IL1RAP: variants seen among roughly 807,000 people sequenced by gnomAD.
IL1RAP encodes the protein interleukin 1 receptor accessory protein.
A neutral mutation model predicts 60.7 loss-of-function variants in IL1RAP; 35 were observed. That is an observed-to-expected ratio of 0.58 (90% confidence interval 0.44 to 0.76). IL1RAP has a LOEUF of 0.76. IL1RAP is among the 30% of genes least tolerant of loss of function. IL1RAP has a pLI of 0.00. For synonymous variants in IL1RAP, 268 were observed against 250.9 expected, an observed-to-expected ratio of 1.07 and a Z score of -0.64; for missense variants, 572 against 693.9, an observed-to-expected ratio of 0.82 and a Z score of 1.97.
chr3:190,613,803 A>C (rs1240548030), intron 5 of IL1RAP, among the ~76,000 whole-genome samples: 1 of 151,954 alleles, frequency 6.6e-6, no homozygotes, highest in Non-Finnish European at 1.5e-5. Flanking sequence ...ACTGCACTCC[A>C]GCCTGGGCAA....
chr3:190,596,544 T>C (rs12486715), intron 3 of IL1RAP, among the ~76,000 whole-genome samples: 7,692 of 152,304 alleles, frequency 0.051, 341 homozygotes, highest in East Asian at 0.14. Context: ...TCCAGTGACT[T>C]GGCTTTGCAA....
intron 10 of IL1RAP, among the ~76,000 whole-genome samples, chr3:190,645,298 A>G (rs895126022): frequency 1.3e-5 from 2 of 152,242 alleles, no homozygotes; most frequent in African/African-American, 4.8e-5. Flanking sequence ...TTTCAGATAT[A>G]AATAATTCAG....
At position 190,528,793 on chromosome 3, in the gene IL1RAP, A is replaced by G. The variant is rs553812132; in HGVS notation, c.-89+14574A>G. ...AATTGTGTAACTCAGGAAGGGCTTT[A>G]TAAGGAAGTTGTATTTAAAGTGAGT... On this transcript the variant is annotated intron_variant, in intron 1 of 11. Coordinates refer to ENST00000447382, the MANE Select transcript of IL1RAP (RefSeq NM_002182.4). 2.6e-5 allele frequency among the ~76,000 whole-genome samples: 4 copies of G among 152,332 alleles called. No homozygotes were observed. In the East Asian group the frequency reaches 7.7e-4, roughly 29 times the overall value.
intron 1 of IL1RAP, among the ~76,000 whole-genome samples, chr3:190,539,186 G>A (rs910388479): frequency 6.6e-6 from 1 of 152,034 alleles, no homozygotes; most frequent in African/African-American, 2.4e-5. Context: ...TAAAGCATAG[G>A]GAAATACTTT....
rs573615292 is a variant in IL1RAP at position 190,629,334 on chromosome 3, TTCTC to T, written c.903-12_903-9del. On this transcript the variant is annotated splice_polypyrimidine_tract_variant and intron_variant, in intron 8 of 11. Transcript: ENST00000447382. ...GTCACTCTCAAATGCTTTGATTTTC[TTCTC>T]TCTATTTCTAGTATAAGTCATAGTA... 2.5e-3 allele frequency: 3,891 copies of T among 1,564,742 alleles called. 10 individuals are homozygous for T. Among genetic ancestry groups the T allele is most frequent in the Non-Finnish European group, 3.1e-3 (3,595 of 1,146,450 alleles).
rs528842342 is a variant in IL1RAP at position 190,572,702 on chromosome 3, T to C, written c.64+8349T>C. ...TTTGAACAGTTAATGTTTTCTAGGT[T>C]TTTTTGTTTGTTTATTTTACATTCT... On this transcript the variant is annotated intron_variant, in intron 3 of 11. Coordinates refer to ENST00000447382, the MANE Select transcript of IL1RAP (RefSeq NM_002182.4). 7.0e-4 allele frequency among the ~76,000 whole-genome samples: 106 copies of C among 152,156 alleles called. 1 individual carries two copies. Among genetic ancestry groups the C allele is most frequent in the Middle Eastern group, 3.4e-3 (1 of 290 alleles).
At chr3:190,518,314 A>G (rs1204552789) in intron 1 of IL1RAP, among the ~76,000 whole-genome samples, 1 of 152,176 alleles carries the variant, frequency 6.6e-6, no homozygotes, top group East Asian at 1.9e-4. Flanking sequence ...TTATTTCAAC[A>G]TCTTATTCAT....
Position 190,644,362 on chromosome 3 carries a change from A to T in IL1RAP, c.1166A>T (p.Tyr389Phe). ...TACTGGCTAGAGATGGTCCTATTTT[A>T]CCGGGCTCATTTTGGAACAGATGAA... ...HVYWLEMVLF[Y>F]RAHFGTDETI... The change falls in exon 10 of 12, where the codon TAC (tyrosine) becomes TTC (phenylalanine). Residue 389 changes from tyrosine (Y) to phenylalanine (F), a missense_variant. By Grantham distance (22) the Tyr-to-Phe change is conservative. Transcript: ENST00000447382. 6.2e-7 allele frequency: 1 copy of T among 1,614,020 alleles called. No homozygotes were observed. The highest frequency in any genetic ancestry group is 8.5e-7 in the Non-Finnish European group (1 of 1,179,934).
rs145198695 is a variant in IL1RAP, at chr3:190,601,518, C to T, written c.65-2610C>T. On this transcript the variant is annotated intron_variant, in intron 3 of 11. Transcript: ENST00000447382. ...TTGGAAAAACTAGTTGTTAAATTTC[C>T]CCGAGCTTTATTACTTACCTGACAA... Among the ~76,000 whole-genome samples, 57 of 152,104 alleles carry T rather than the reference C, an allele frequency of 3.7e-4. No individual in the cohort carries two copies. In the East Asian group the frequency reaches 9.5e-3, roughly 25 times the overall value.
Position 190,617,913 on chromosome 3 carries a change from T to C in IL1RAP, c.538-2362T>C, listed in dbSNP as rs58711093. On this transcript the variant is annotated intron_variant, in intron 5 of 11. Transcript: ENST00000447382. ...TAAAATATTCCCTTTATTTCTAAAATGTTTTAGGCCTAATAGCTTTGAAAC... is the reference window on the plus strand; with the variant it reads ...TAAAATATTCCCTTTATTTCTAAAACGTTTTAGGCCTAATAGCTTTGAAAC... Among the ~76,000 whole-genome samples, 1,422 of 152,300 alleles carry C rather than the reference T, an allele frequency of 9.3e-3. 20 individuals are homozygous for C. Among genetic ancestry groups the C allele is most frequent in the African/African-American group, 0.031 (1,272 of 41,564 alleles).
chr3:190,576,383 TACAC>T (rs34872356), intron 3 of IL1RAP, among the ~76,000 whole-genome samples: 10,788 of 151,378 alleles, frequency 0.071, 441 homozygotes, highest in Middle Eastern at 0.089. Flanking sequence ...TATATATATA[TACAC>T]ACACACACAC....
chr3:190,604,339 T>G lies in IL1RAP; in HGVS notation c.276T>G (p.Ile92Met), dbSNP rs1402497798. The change falls in exon 4 of 12, where the codon ATT becomes ATG. Residue 92 changes from isoleucine to methionine, a missense_variant. Transcript: ENST00000447382. ...PINFRLPENR[I>M]SKEKDVLWFR... ...ACTTCCGCCTCCCCGAGAACCGCAT[T>G]AGTAAGGAGAAAGATGTGCTGTGGT... 6.2e-7 allele frequency: 1 copy of G among 1,613,680 alleles called. No individual in the cohort carries two copies. The highest frequency in any genetic ancestry group is 1.3e-5 in the African/African-American group (1 of 74,802).
At chr3:190,573,113 T>TA (rs1727133941) in intron 3 of IL1RAP, among the ~76,000 whole-genome samples, 5 of 52,312 alleles carry the variant, frequency 9.6e-5, no homozygotes, top group Non-Finnish European at 1.9e-4. Flanking sequence ...TCCGCCCGCC[T>TA]CGGCCTCCCA....
intron 1 of IL1RAP, among the ~76,000 whole-genome samples, chr3:190,525,675 T>C (rs1053185953): frequency 1.5e-4 from 23 of 152,226 alleles, no homozygotes; most frequent in Non-Finnish European, 3.1e-4. Flanking sequence ...GTTTCATTCA[T>C]AGGCTCTCGT....
chr3:190,557,976 T>G (rs576775114), intron 2 of IL1RAP, among the ~76,000 whole-genome samples: 24 of 152,282 alleles, frequency 1.6e-4, no homozygotes, highest in African/African-American at 5.3e-4. Flanking sequence ...CTTGATCTGT[T>G]CTCGGTCACT....
At chr3:190,566,797 G>A (rs3773980) in intron 3 of IL1RAP, among the ~76,000 whole-genome samples, 37,332 of 152,040 alleles carry the variant, frequency 0.25, 4,987 homozygotes, top group East Asian at 0.52. Context: ...GCTAGTGGGG[G>A]AAGAAAGAAA....
chr3:190,551,006 C>T (rs1319394889), intron 1 of IL1RAP, among the ~76,000 whole-genome samples: 2 of 152,196 alleles, frequency 1.3e-5, no homozygotes, highest in East Asian at 3.8e-4. Flanking sequence ...AACTCTATTC[C>T]ACAAGGAATT....
chr3:190,576,168 A>G (rs137877497), intron 3 of IL1RAP, among the ~76,000 whole-genome samples: 2 of 152,248 alleles, frequency 1.3e-5, no homozygotes. Flanking sequence ...GAAAAAATAC[A>G]TGCAAATATT....
intron 3 of IL1RAP, among the ~76,000 whole-genome samples, chr3:190,578,358 A>G (rs905532750): frequency 6.6e-6 from 1 of 152,188 alleles, no homozygotes; most frequent in Non-Finnish European, 1.5e-5. Context: ...GACAGGTATG[A>G]TAGTTTAAGC....
Sources: gnomAD v4.1 joint callset for allele counts (sites outside exome capture counted in the v4.1 genomes callset) on GRCh38, gnomAD v4.1.1 for gene constraint, MANE v1.5 for transcripts, NCBI Gene and HGNC (gene_info 2026-07-23, HGNC 2026-07-21) for gene names.